Variants in IGF1R observed in about 807,000 individuals in gnomAD.
IGF1R encodes insulin-like growth factor 1 receptor.
In IGF1R, 44 loss-of-function variants were observed where a neutral mutation model predicts 144.6. The observed-to-expected ratio is 0.30, with a 90% CI of 0.24 to 0.39. The LOEUF (loss-of-function observed/expected upper bound fraction) is 0.39. Among genes scored for constraint, IGF1R ranks in the 10% least tolerant of loss-of-function variants. The pLI, the probability that IGF1R is intolerant of heterozygous loss-of-function variation, is 1.00. For missense variants in IGF1R, 1,355 were observed against 1,833.7 expected, an observed-to-expected ratio of 0.74 and a Z score of 4.77; for synonymous variants, 795 against 722.8, an observed-to-expected ratio of 1.10 and a Z score of -1.60.
intron 5 of IGF1R, among the ~76,000 whole-genome samples, chr15:98,904,824 C>G (rs546821119): frequency 1.3e-5 from 2 of 152,376 alleles, no homozygotes; most frequent in South Asian, 4.1e-4. Context: ...TCGGGTTCAG[C>G]TCCATTTATC....
intron 1 of IGF1R, among the ~76,000 whole-genome samples, chr15:98,703,577 G>A (rs572559573): frequency 6.6e-6 from 1 of 152,318 alleles, no homozygotes; most frequent in Admixed American, 6.5e-5. Context: ...CAGAGTAAGT[G>A]GGTAGCTTCT....
In IGF1R at chr15:98,862,859, G is replaced by A. The variant is rs184396333; in HGVS notation, c.641-28466G>A. On this transcript the variant is annotated intron_variant, in intron 2 of 20. Coordinates refer to ENST00000650285, the MANE Select transcript of IGF1R (RefSeq NM_000875.5). ...TGCATAAAGGTTACAAAGAGTACCAGGAGTTCTGGAACACCCTCCACCCAG... is the reference window on the plus strand; with the variant it reads ...TGCATAAAGGTTACAAAGAGTACCAAGAGTTCTGGAACACCCTCCACCCAG... 3.5e-3 allele frequency among the ~76,000 whole-genome samples: 537 copies of A among 152,282 alleles called. 6 individuals carry two copies. Among genetic ancestry groups the A allele is most frequent in the African/African-American group, 0.012 (512 of 41,564 alleles).
At chr15:98,887,357 C>T (rs764037535) in intron 2 of IGF1R, among the ~76,000 whole-genome samples, 4 of 152,114 alleles carry the variant, frequency 2.6e-5, no homozygotes, top group Non-Finnish European at 5.9e-5. Context: ...TGGAAAATCC[C>T]GGCATTGATA....
chr15:98,885,555 G>A (rs1239424496), intron 2 of IGF1R, among the ~76,000 whole-genome samples: 1 of 152,186 alleles, frequency 6.6e-6, no homozygotes, highest in East Asian at 1.9e-4. Flanking sequence ...CCTCCTGCAC[G>A]AGGATGCATG....
intron 1 of IGF1R, among the ~76,000 whole-genome samples, chr15:98,666,369 C>G (rs934069949): frequency 3.3e-5 from 5 of 151,930 alleles, no homozygotes; most frequent in Non-Finnish European, 5.9e-5. Context: ...TCCAGCAATT[C>G]CACTTTGGGG....
At chr15:98,696,732 C>G (rs770973913) in intron 1 of IGF1R, among the ~76,000 whole-genome samples, 8 of 152,142 alleles carry the variant, frequency 5.3e-5, no homozygotes, top group South Asian at 4.1e-4. Context: ...CAGAGTGGGA[C>G]TGAGCTGCTC....
intron 15 of IGF1R, among the ~76,000 whole-genome samples, chr15:98,933,132 C>T (rs2016008676): frequency 6.6e-6 from 1 of 152,200 alleles, no homozygotes; most frequent in Non-Finnish European, 1.5e-5. Context: ...TGGCAGGTCC[C>T]GTCAGGCAAG....
At chr15:98,753,558 A>T (rs1206315987) in intron 2 of IGF1R, among the ~76,000 whole-genome samples, 2 of 151,740 alleles carry the variant, frequency 1.3e-5, no homozygotes, top group East Asian at 3.9e-4. Context: ...TTTGATATAA[A>T]TTCCTGCTCT....
chr15:98,930,731 G>T (rs1423182013), intron 15 of IGF1R, among the ~76,000 whole-genome samples: 2 of 152,026 alleles, frequency 1.3e-5, no homozygotes, highest in African/African-American at 4.8e-5. Context: ...ATGAATTACA[G>T]CTCTGCTTTT....
chr15:98,801,083 TC>T (rs1237166072), intron 2 of IGF1R, among the ~76,000 whole-genome samples: 1 of 152,034 alleles, frequency 6.6e-6, no homozygotes, highest in Non-Finnish European at 1.5e-5. Context: ...GGCTTTGTCA[TC>T]CCCGGGGACC....
rs986932084 is a variant in IGF1R at position 98,770,785 on chromosome 15, C to T, written c.640+62678C>T. ...CCTGCCGTGTCCTGGTTCTACTTGC[C>T]GGCAGGGATCTAAGTTGGAATTCCT... On this transcript the variant is annotated intron_variant, in intron 2 of 20. Transcript: ENST00000650285. Among the ~76,000 whole-genome samples, 5 of 152,052 alleles carry T rather than the reference C, an allele frequency of 3.3e-5. 1 individual carries two copies. Among genetic ancestry groups the T allele is most frequent in the African/African-American group, 1.2e-4 (5 of 41,382 alleles).
At chr15:98,942,814 CTG>C in intron 18 of IGF1R, 107 bp from the exon 19 acceptor site, 1 of 1,431,590 alleles carries the variant, frequency 7.0e-7, no homozygotes. Context: ...TGGGACGTGT[CTG>C]TGTCTTGCCT....
Position 98,795,554 on chromosome 15 carries a change from G to A in IGF1R, c.640+87447G>A, listed in dbSNP as rs139357614. Among the ~76,000 whole-genome samples, 542 of 152,168 alleles carry A rather than the reference G, an allele frequency of 3.6e-3. 7 individuals carry two copies. Among genetic ancestry groups the A allele is most frequent in the African/African-American group, 0.012 (513 of 41,536 alleles). On this transcript the variant is annotated intron_variant, in intron 2 of 20. Coordinates refer to ENST00000650285, the MANE Select transcript of IGF1R (RefSeq NM_000875.5). ...CTCAGCCTCCCGAGCAGCTGGGACT[G>A]CAGGCACCCGCAACCACCCCTGGTT...
Position 98,707,314 on chromosome 15 carries a change from C to T in IGF1R, c.95-248C>T, listed in dbSNP as rs2053888988. On this transcript the variant is annotated intron_variant, in intron 1 of 20. Coordinates refer to ENST00000650285, the MANE Select transcript of IGF1R (RefSeq NM_000875.5). The surrounding 1 kb of genome is among the most constrained non-coding windows in gnomAD (Gnocchi z 6.7). ...TAGTTTGCACGGTTAACGGGGATGG[C>T]CTCTCCCATGGTCGGTTGGAGTGTG... is the stretch of plus-strand genomic sequence containing the variant. Among the ~76,000 whole-genome samples the T allele has an allele frequency of 6.6e-6, 1 of 152,110 alleles. No homozygotes were observed. Among genetic ancestry groups the T allele is most frequent in the African/African-American group, 2.4e-5 (1 of 41,414 alleles).
chr15:98,762,757 A>G (rs1289079007), intron 2 of IGF1R, among the ~76,000 whole-genome samples: 2 of 151,860 alleles, frequency 1.3e-5, no homozygotes, highest in Admixed American at 1.3e-4. Context: ...CAAAAACAAA[A>G]ACAAAACAGG....
At chr15:98,740,497 G>A (rs1340672880) in intron 2 of IGF1R, among the ~76,000 whole-genome samples, 1 of 152,218 alleles carries the variant, frequency 6.6e-6, no homozygotes, top group Non-Finnish European at 1.5e-5. Context: ...CTGCAGCCTT[G>A]CTGCCAAATC....
At chr15:98,882,599 G>T (rs1472076057) in intron 2 of IGF1R, among the ~76,000 whole-genome samples, 3 of 152,186 alleles carry the variant, frequency 2.0e-5, no homozygotes, top group Non-Finnish European at 4.4e-5. Context: ...GCCTGCCTTT[G>T]CATGCCATAA....
intron 2 of IGF1R, among the ~76,000 whole-genome samples, chr15:98,733,019 C>T (rs2054528608): frequency 6.6e-6 from 1 of 152,126 alleles, no homozygotes; most frequent in Admixed American, 6.5e-5. Context: ...TTCAAGGATA[C>T]ATGTTTGTCT....
At chr15:98,691,367 G>GT (rs746317149) in intron 1 of IGF1R, among the ~76,000 whole-genome samples, 1,671 of 132,058 alleles carry the variant, frequency 0.013, 22 homozygotes, top group African/African-American at 0.03. Context: ...GGTTTTTTTT[G>GT]TTTTTTTTTT....
Sources: allele counts gnomAD v4.1 joint callset (sites outside exome capture counted in the v4.1 genomes callset), GRCh38; gene constraint gnomAD v4.1.1; non-coding constraint Gnocchi (gnomAD v3.1); transcripts MANE v1.5; gene names NCBI Gene and HGNC (gene_info 2026-07-23, HGNC 2026-07-21).